ARFGEF1: variants seen among roughly 807,000 people sequenced by gnomAD.
ARFGEF1 encodes the protein ARF guanine nucleotide exchange factor 1.
Under a neutral mutation model 231.0 loss-of-function variants are expected in ARFGEF1, and 42 were observed. The observed-to-expected ratio is 0.18, with a 90% confidence interval of 0.14 to 0.24. ARFGEF1 has a LOEUF of 0.24. ARFGEF1 is among the 10% of genes least tolerant of loss of function. ARFGEF1 has a pLI of 1.00. For missense variants in ARFGEF1, 1,345 were observed against 2,192.0 expected (o/e 0.61, Z 7.72); for synonymous variants, 710 against 732.3 (o/e 0.97, Z 0.49).
At chr8:67,282,857 A>G (rs1805594226) in intron 7 of ARFGEF1, among the ~76,000 whole-genome samples, 1 of 151,800 alleles carries the variant, frequency 6.6e-6, no homozygotes, top group African/African-American at 2.4e-5. Context: ...CAAAAAAAAA[A>G]AAAGAAAGAA....
chr8:67,306,971 G>T (rs924453443), intron 1 of ARFGEF1, among the ~76,000 whole-genome samples: 15 of 152,216 alleles, frequency 9.9e-5, no homozygotes, highest in Non-Finnish European at 1.8e-4. Context: ...TAGAGACGAG[G>T]TTTCACCATG....
chr8:67,239,092 C>T (rs1038316310), intron 20 of ARFGEF1, among the ~76,000 whole-genome samples, 199 bp from the exon 21 acceptor site: 2 of 151,932 alleles, frequency 1.3e-5, no homozygotes, highest in Admixed American at 6.6e-5. Flanking sequence ...CTGCGACCTC[C>T]GCCTCCCAGG....
intron 19 of ARFGEF1, among the ~76,000 whole-genome samples, chr8:67,241,349 C>T (rs909615041): frequency 1.3e-5 from 2 of 152,130 alleles, no homozygotes; most frequent in Non-Finnish European, 2.9e-5. Flanking sequence ...AAGTGCCGTA[C>T]TTCTAAACTA....
At chr8:67,220,897 C>CTT (rs60939328) in intron 29 of ARFGEF1, among the ~76,000 whole-genome samples, 14,220 of 140,224 alleles carry the variant, frequency 0.1, 1,041 homozygotes, top group East Asian at 0.35. Context: ...TTTTCCTTTT[C>CTT]TTTTTTTTTT....
chr8:67,279,235 T>G (rs1310708589), intron 7 of ARFGEF1, among the ~76,000 whole-genome samples: 2 of 152,214 alleles, frequency 1.3e-5, no homozygotes, highest in Non-Finnish European at 2.9e-5. Flanking sequence ...GTTTTCTCTC[T>G]GCACCCAATT....
chr8:67,219,410 G>A, intron 30 of ARFGEF1, 21 bp downstream of exon 30: 3 of 1,600,186 alleles, frequency 1.9e-6, no homozygotes, highest in Non-Finnish European at 2.6e-6. Context: ...TAAGCTAAAT[G>A]AAAATTGTGT....
chr8:67,212,400 T>C (rs1838782529), intron 33 of ARFGEF1, among the ~76,000 whole-genome samples: 1 of 152,182 alleles, frequency 6.6e-6, no homozygotes, highest in Admixed American at 6.5e-5. Flanking sequence ...CCAGTATTAT[T>C]AAGAGTGTAA....
intron 15 of ARFGEF1, among the ~76,000 whole-genome samples, chr8:67,259,352 G>C (rs962914747): frequency 6.6e-6 from 1 of 152,094 alleles, no homozygotes; most frequent in Non-Finnish European, 1.5e-5. Flanking sequence ...TCAGCCTCCT[G>C]AGTAGCTGGG....
intron 19 of ARFGEF1, among the ~76,000 whole-genome samples, chr8:67,246,550 T>G (rs936975003): frequency 6.6e-6 from 1 of 150,406 alleles, no homozygotes; most frequent in African/African-American, 2.5e-5. Flanking sequence ...GAAAAATTTA[T>G]TGAAACAAAT....
At chr8:67,236,820 G>A (rs530537366) in intron 22 of ARFGEF1, among the ~76,000 whole-genome samples, 8 of 152,284 alleles carry the variant, frequency 5.3e-5, no homozygotes, top group Middle Eastern at 6.8e-3. Flanking sequence ...GTATCTTTCT[G>A]TAAATTCCCT....
chr8:67,339,081 T>C (rs1808478977), intron 1 of ARFGEF1, among the ~76,000 whole-genome samples: 1 of 152,198 alleles, frequency 6.6e-6, no homozygotes, highest in African/African-American at 2.4e-5. Flanking sequence ...AGTCTCAATA[T>C]TGTATCTCTG....
At chr8:67,218,203 AAAAAAT>A (rs1199119298) in intron 30 of ARFGEF1, 65 bp from the exon 31 acceptor site, 18 of 167,076 alleles carry the variant, frequency 1.1e-4, no homozygotes, top group African/African-American at 3.7e-4. Context: ...AAAAAAAAAA[AAAAAAT>A]ATATATATAT....
At chr8:67,258,818 T>TACACACACACACACACAC (rs10576509) in intron 15 of ARFGEF1, among the ~76,000 whole-genome samples, 1,842 of 142,972 alleles carry the variant, frequency 0.013, 47 homozygotes, top group African/African-American at 0.045. Flanking sequence ...AAGCAGATTT[T>TACACACACACACACACAC]ACACACACAC....
intron 38 of ARFGEF1, 112 bp downstream of exon 38, chr8:67,200,284 T>C: frequency 1.3e-6 from 1 of 794,640 alleles, no homozygotes; most frequent in Non-Finnish European, 2.3e-6. Context: ...CAGTGCAGCC[T>C]GGGCACTGCT....
chr8:67,328,132 T>A (rs2128931450), intron 1 of ARFGEF1, among the ~76,000 whole-genome samples: 1 of 152,216 alleles, frequency 6.6e-6, no homozygotes, highest in Non-Finnish European at 1.5e-5. Flanking sequence ...AAAAAAGATA[T>A]AAAAGAGAAT....
rs1806239081 is a variant in ARFGEF1 at position 67,296,525 on chromosome 8, T to G, written c.545A>C (p.Tyr182Ser). ...LQAVRTCYNI[Y>S]LASKNLINQT... ...ATTGATGAGATTTTTGCTTGCTAAG[T>G]AGATATTGTAACATGTTCTCACAGC... Residue 182 changes from tyrosine (Y) to serine (S), a missense_variant, in exon 5 of 39, where the codon TAC becomes TCC. Around this residue, in one of 14 missense-constraint regions of ARFGEF1, gnomAD observed 398 missense variants for 463.2 expected, o/e 0.86. Transcript: ENST00000262215. 1 of 1,613,914 alleles carries G rather than the reference T, an allele frequency of 6.2e-7. No homozygotes were observed. The highest frequency in any genetic ancestry group is 8.5e-7 in the Non-Finnish European group (1 of 1,179,974).
chr8:67,261,853 A>T (rs1267924487), intron 14 of ARFGEF1, among the ~76,000 whole-genome samples: 10 of 127,662 alleles, frequency 7.8e-5, no homozygotes, highest in South Asian at 2.4e-4. Context: ...TTTTTTTTTT[A>T]AAGAAATGGG....
chr8:67,270,113 CT>C (rs1397660147), intron 10 of ARFGEF1, among the ~76,000 whole-genome samples: 2 of 152,052 alleles, frequency 1.3e-5, no homozygotes, highest in African/African-American at 4.8e-5. Flanking sequence ...GTTTTTTTAA[CT>C]GTCTTTTATT....
intron 27 of ARFGEF1, 90 bp from the exon 28 acceptor site, chr8:67,226,273 CCT>C (rs3837215): frequency 0.054 from 63,972 of 1,179,226 alleles, 4,560 homozygotes; most frequent in African/African-American, 0.32. Flanking sequence ...TAATGCACTT[CCT>C]CTTAAAGGTT....
Sources: allele counts gnomAD v4.1 joint callset (sites outside exome capture counted in the v4.1 genomes callset), GRCh38; gene constraint gnomAD v4.1.1; regional missense constraint gnomAD v4.1.1; transcripts MANE v1.5; gene names NCBI Gene and HGNC (gene_info 2026-07-23, HGNC 2026-07-21).